EPHA4: variants seen among roughly 807,000 people sequenced by gnomAD.
The protein encoded by EPHA4 is ephrin type-A receptor 4.
A neutral mutation model predicts 108.3 loss-of-function variants in EPHA4; 19 were observed. That is an observed-to-expected ratio of 0.18 (90% confidence interval 0.12 to 0.26). The LOEUF (loss-of-function observed/expected upper bound fraction) is 0.26, where lower values mean the gene tolerates loss of function less well. EPHA4 is among the 10% of genes least tolerant of loss of function. The probability of loss-of-function intolerance (pLI) is 1.00; values close to 1 mark genes in which losing one functional copy is unlikely to be tolerated. For synonymous variants in EPHA4, 449 were observed against 455.5 expected, an observed-to-expected ratio of 0.99 and a Z score of 0.18; for missense variants, 917 against 1,254.0, an observed-to-expected ratio of 0.73 and a Z score of 4.06.
intron 5 of EPHA4, among the ~76,000 whole-genome samples, chr2:221,477,514 A>G (rs1691693327): frequency 6.6e-6 from 1 of 152,182 alleles, no homozygotes; most frequent in Admixed American, 6.5e-5. Flanking sequence ...CACTAGATGC[A>G]ACTGCACCAA....
At position 221,497,517 on chromosome 2, in the gene EPHA4, T is replaced by C. The variant is rs1692334348; in HGVS notation, c.979+3500A>G. Among the ~76,000 whole-genome samples, 5 of 152,014 alleles carry C rather than the reference T, an allele frequency of 3.3e-5. No individual in the cohort carries two copies. The South Asian group carries it at 1.0e-3, about 32-fold the overall frequency. ...ACTTTGAGAAGCTGAGGTCCATGGA[T>C]CACATGAGGTGACGAGTTCAAGACC... On this transcript the variant is annotated intron_variant, in intron 4 of 17. Transcript: ENST00000281821.
intron 3 of EPHA4, among the ~76,000 whole-genome samples, chr2:221,516,352 ATTTT>A (rs10606305): frequency 4.1e-5 from 5 of 123,320 alleles, no homozygotes; most frequent in Admixed American, 8.1e-5. Flanking sequence ...AGATTCAATG[ATTTT>A]TTTTTTTTTT....
intron 5 of EPHA4, among the ~76,000 whole-genome samples, chr2:221,473,563 A>AC (rs1193137553): frequency 6.6e-6 from 1 of 151,090 alleles, no homozygotes; most frequent in East Asian, 1.9e-4. Flanking sequence ...AAAAAAAAAA[A>AC]AAAAAAAAAA....
chr2:221,555,921 A>G (rs756747978), intron 3 of EPHA4, among the ~76,000 whole-genome samples: 19 of 152,220 alleles, frequency 1.2e-4, no homozygotes, highest in Non-Finnish European at 2.5e-4. Context: ...AGATTATGAA[A>G]AAGTTTTTAG....
intron 4 of EPHA4, among the ~76,000 whole-genome samples, chr2:221,489,119 A>G (rs1465291908): frequency 6.6e-6 from 1 of 152,226 alleles, no homozygotes; most frequent in Non-Finnish European, 1.5e-5. Context: ...GGTATAAACC[A>G]TTCCATGGAA....
intron 11 of EPHA4, among the ~76,000 whole-genome samples, chr2:221,441,016 C>T (rs1048087481): frequency 6.6e-6 from 1 of 152,052 alleles, no homozygotes; most frequent in Non-Finnish European, 1.5e-5. Context: ...GCAGGAGGCC[C>T]AAGAAACTGT....
intron 5 of EPHA4, among the ~76,000 whole-genome samples, chr2:221,476,369 C>T (rs1164915232): frequency 6.6e-6 from 1 of 152,180 alleles, no homozygotes; most frequent in African/African-American, 2.4e-5. Flanking sequence ...AACTGGACTT[C>T]CCAACATCTC....
intron 5 of EPHA4, among the ~76,000 whole-genome samples, chr2:221,479,696 TAATC>T (rs1691761959): frequency 6.6e-6 from 1 of 152,240 alleles, no homozygotes; most frequent in South Asian, 2.1e-4. Flanking sequence ...AAGGGTTTGT[TAATC>T]AAAGATAAAC....
chr2:221,457,710 C>T (rs1473582298), intron 6 of EPHA4, among the ~76,000 whole-genome samples, 156 bp downstream of exon 6: 1 of 142,992 alleles, frequency 7.0e-6, no homozygotes, highest in Non-Finnish European at 1.5e-5. Context: ...AACCCTTAAA[C>T]AGAAGGGAGG....
At chr2:221,470,870 C>A (rs977834195) in intron 5 of EPHA4, among the ~76,000 whole-genome samples, 4 of 152,068 alleles carry the variant, frequency 2.6e-5, no homozygotes, top group African/African-American at 9.7e-5. Flanking sequence ...GAAAATCTGT[C>A]TTTTTGACAA....
chr2:221,430,673 G>A (rs937429877), intron 14 of EPHA4, among the ~76,000 whole-genome samples: 2 of 152,128 alleles, frequency 1.3e-5, no homozygotes, highest in African/African-American at 4.8e-5. Context: ...TCCAAGTCCA[G>A]ACGCCCAGCC....
chr2:221,498,815 CAG>C (rs1692386221), intron 4 of EPHA4, among the ~76,000 whole-genome samples: 1 of 140,536 alleles, frequency 7.1e-6, no homozygotes, highest in Admixed American at 7.5e-5. Context: ...TTTGAGACGA[CAG>C]AGTTTCCTCT....
At chr2:221,522,118 A>G (rs556477672) in intron 3 of EPHA4, among the ~76,000 whole-genome samples, 14 of 152,350 alleles carry the variant, frequency 9.2e-5, no homozygotes, top group African/African-American at 3.4e-4. Context: ...TTCTCATTTA[A>G]TTCTCACCAT....
intron 3 of EPHA4, among the ~76,000 whole-genome samples, chr2:221,510,311 T>G (rs541477841): frequency 6.6e-6 from 1 of 152,214 alleles, no homozygotes; most frequent in African/African-American, 2.4e-5. Flanking sequence ...ATGTAAAAAT[T>G]TATTTTTATT....
rs1159816749 is a variant in EPHA4 at position 221,418,864 on chromosome 2, T to C, written c.*2508A>G. The stretch of plus-strand genomic sequence containing the variant: ...CTCAGAAGAGTCAACCTCATTTCTT[T>C]ATACATATTTTTCAGGCATCAATGC... On this transcript the variant is annotated 3_prime_UTR_variant, in exon 18 of 18. Coordinates refer to ENST00000281821, the MANE Select transcript of EPHA4 (RefSeq NM_004438.5). The C allele has an allele frequency of 6.6e-6, 1 of 152,608 alleles. No homozygotes were observed. Among genetic ancestry groups the C allele is most frequent in the Non-Finnish European group, 1.5e-5 (1 of 68,032 alleles). 9.5% of individuals were successfully genotyped at this position (152,608 alleles called of 1,614,324 possible). A position where few individuals can be genotyped will look rare whatever the true frequency, so the allele number is the denominator to read the frequency against.
intron 4 of EPHA4, among the ~76,000 whole-genome samples, chr2:221,496,252 A>G (rs1692290605): frequency 6.6e-6 from 1 of 152,154 alleles, no homozygotes; most frequent in African/African-American, 2.4e-5. Context: ...TTCTGTGGTG[A>G]TAGAAACGTT....
chr2:221,570,438 T>A (rs990639720), intron 1 of EPHA4, among the ~76,000 whole-genome samples: 14 of 152,134 alleles, frequency 9.2e-5, no homozygotes, highest in African/African-American at 3.1e-4. Flanking sequence ...GAACGCGGGA[T>A]CCACGATTCC....
chr2:221,444,147 A>G (rs1162988976), intron 9 of EPHA4, among the ~76,000 whole-genome samples: 2 of 144,356 alleles, frequency 1.4e-5, no homozygotes, highest in African/African-American at 5.6e-5. Context: ...TTGAGAATAC[A>G]GACTCTGTAG....
chr2:221,571,377 C>T lies in EPHA4; in HGVS notation c.91+781G>A, dbSNP rs1026477106. 6.6e-5 allele frequency among the ~76,000 whole-genome samples: 10 copies of T among 151,320 alleles called. No individual in the cohort carries two copies. Among genetic ancestry groups the T allele is most frequent in the African/African-American group, 2.4e-4 (10 of 41,156 alleles). ...ACAGGCACATACAATCCTCCCAGCA[C>T]GTCCGAACGGATGCACAGAAAACTG... On this transcript the variant is annotated intron_variant, in intron 1 of 17. Transcript: ENST00000281821. The surrounding 1 kb of genome is among the most constrained non-coding windows in gnomAD (Gnocchi z 6.3).
Sources: gnomAD v4.1 joint callset for allele counts (sites outside exome capture counted in the v4.1 genomes callset) on GRCh38, gnomAD v4.1.1 for gene constraint, Gnocchi (gnomAD v3.1) non-coding constraint, MANE v1.5 for transcripts, NCBI Gene and HGNC (gene_info 2026-07-23, HGNC 2026-07-21) for gene names.